The following NTM variants were observed in gnomAD, a reference collection of about 807,000 sequenced individuals.
NTM encodes the protein neurotrimin, also known as IgLON family member 2.
In NTM, 13 loss-of-function variants were observed where a neutral mutation model predicts 42.1. That is an observed-to-expected ratio of 0.31 (90% CI 0.20 to 0.49). NTM has a LOEUF of 0.49. Ranked by LOEUF, NTM falls within the 20% of genes least tolerant of loss-of-function variation. The probability of loss-of-function intolerance (pLI) is 0.99; values close to 1 mark genes in which losing one functional copy is unlikely to be tolerated. For synonymous variants in NTM, 187 were observed against 179.2 expected (o/e 1.04, Z -0.35); for missense variants, 373 against 452.8 (o/e 0.82, Z 1.60).
chr11:131,542,419 C>T (rs1429891900), intron 1 of NTM, among the ~76,000 whole-genome samples: 1 of 152,184 alleles, frequency 6.6e-6, no homozygotes, highest in Non-Finnish European at 1.5e-5. Flanking sequence ...TGTTAAGTGC[C>T]ATTTTCCAGA....
chr11:132,164,620 G>A (rs912711080), intron 3 of NTM, among the ~76,000 whole-genome samples: 1 of 151,970 alleles, frequency 6.6e-6, no homozygotes, highest in East Asian at 1.9e-4. Flanking sequence ...TTTGGCTGAG[G>A]TAGAACCAGC....
At chr11:131,573,796 G>T (rs921579331) in intron 1 of NTM, among the ~76,000 whole-genome samples, 2 of 152,108 alleles carry the variant, frequency 1.3e-5, no homozygotes, top group African/African-American at 4.8e-5. Context: ...GAAACTGAAG[G>T]CAGGCTACTC....
chr11:132,196,416 T>C (rs1178840918), intron 3 of NTM, among the ~76,000 whole-genome samples: 1 of 152,080 alleles, frequency 6.6e-6, no homozygotes, highest in Non-Finnish European at 1.5e-5. Flanking sequence ...AGAACTACCT[T>C]TCAATGCAGC....
At chr11:131,532,710 C>T (rs577333428) in intron 1 of NTM, among the ~76,000 whole-genome samples, 17 of 152,348 alleles carry the variant, frequency 1.1e-4, no homozygotes, top group African/African-American at 3.6e-4. Flanking sequence ...TCTGGTTTCT[C>T]GACATCCTCA....
chr11:132,257,882 T>C (rs73042065), intron 4 of NTM, among the ~76,000 whole-genome samples: 1 of 152,310 alleles, frequency 6.6e-6, no homozygotes, highest in Non-Finnish European at 1.5e-5. Flanking sequence ...TGTTTTCCTA[T>C]AATGAGGGAG....
At chr11:132,235,389 G>A (rs111985535) in intron 4 of NTM, among the ~76,000 whole-genome samples, 27 of 152,158 alleles carry the variant, frequency 1.8e-4, no homozygotes, top group African/African-American at 5.3e-4. Flanking sequence ...CAGTCATCAC[G>A]CATCTCCAGC....
intron 4 of NTM, among the ~76,000 whole-genome samples, chr11:132,268,909 G>C (rs1468244052): frequency 6.6e-6 from 1 of 152,044 alleles, no homozygotes; most frequent in African/African-American, 2.4e-5. Flanking sequence ...TTGTTCCTGA[G>C]TGGCCTCAGT....
At chr11:131,866,970 C>T (rs940834280) in intron 1 of NTM, among the ~76,000 whole-genome samples, 2 of 152,082 alleles carry the variant, frequency 1.3e-5, no homozygotes, top group Admixed American at 6.6e-5. Flanking sequence ...GGACAGTGCG[C>T]GGCAGCCAAG....
intron 1 of NTM, among the ~76,000 whole-genome samples, chr11:131,703,906 C>T (rs888182585): frequency 2.6e-5 from 4 of 152,102 alleles, no homozygotes; most frequent in African/African-American, 7.2e-5. Flanking sequence ...TCGATGGCCC[C>T]GGGCCCCAGA....
chr11:131,753,071 G>T (rs1174801915), intron 1 of NTM, among the ~76,000 whole-genome samples: 1 of 151,996 alleles, frequency 6.6e-6, no homozygotes, highest in Non-Finnish European at 1.5e-5. Flanking sequence ...CCATCAAAAA[G>T]TGGGCAAAGG....
intron 1 of NTM, among the ~76,000 whole-genome samples, chr11:131,676,882 G>A (rs190569485): frequency 1.4e-4 from 22 of 152,312 alleles, no homozygotes; most frequent in South Asian, 4.1e-4. Context: ...AATAATGTCC[G>A]TTATTACAGT....
At chr11:132,200,721 C>T (rs1191055426) in intron 3 of NTM, among the ~76,000 whole-genome samples, 2 of 151,978 alleles carry the variant, frequency 1.3e-5, no homozygotes, top group African/African-American at 2.4e-5. Context: ...AGCTGAGAGC[C>T]GAGAGCGGCG....
intron 1 of NTM, among the ~76,000 whole-genome samples, chr11:131,666,478 C>T (rs2069074070): frequency 6.6e-6 from 1 of 152,144 alleles, no homozygotes. Flanking sequence ...GGGCAGGAGA[C>T]CACCTGACTG....
chr11:132,138,302 A>G (rs1376871874), intron 2 of NTM, among the ~76,000 whole-genome samples: 2 of 152,172 alleles, frequency 1.3e-5, no homozygotes, highest in East Asian at 3.9e-4. Context: ...GAAAACACTC[A>G]TGGGGGAACA....
chr11:131,910,330 T>G (rs1468179447), intron 1 of NTM, among the ~76,000 whole-genome samples: 1 of 152,214 alleles, frequency 6.6e-6, no homozygotes, highest in Non-Finnish European at 1.5e-5. Flanking sequence ...GTCTCAAGTC[T>G]GAGGCTGATT....
At chr11:131,606,837 C>T (rs189998047) in intron 1 of NTM, among the ~76,000 whole-genome samples, 58 of 152,124 alleles carry the variant, frequency 3.8e-4, no homozygotes, top group African/African-American at 1.3e-3. Flanking sequence ...TTTTCCTACC[C>T]CAGCACAAAA....
intron 1 of NTM, among the ~76,000 whole-genome samples, chr11:131,721,408 T>C (rs926105741): frequency 6.6e-6 from 1 of 152,146 alleles, no homozygotes; most frequent in African/African-American, 2.4e-5. Context: ...ATCTGTAGCA[T>C]GGGGATAAGA....
chr11:131,825,783 C>G (rs760806809), intron 1 of NTM, among the ~76,000 whole-genome samples: 1 of 152,086 alleles, frequency 6.6e-6, no homozygotes, highest in African/African-American at 2.4e-5. Context: ...AGGATGACAA[C>G]TGGATGGAAA....
At chr11:131,836,125 G>A (rs1046706127) in intron 1 of NTM, among the ~76,000 whole-genome samples, 10 of 152,202 alleles carry the variant, frequency 6.6e-5, no homozygotes, top group Admixed American at 4.6e-4. Context: ...GTAGTAATGC[G>A]GTTGTGTTTA....
Sources: gnomAD v4.1 joint callset for allele counts (sites outside exome capture counted in the v4.1 genomes callset) on GRCh38, gnomAD v4.1.1 for gene constraint, MANE v1.5 for transcripts, NCBI Gene and HGNC (gene_info 2026-07-23, HGNC 2026-07-21) for gene names.